The following TTN variants were observed in gnomAD, a reference collection of about 807,000 sequenced individuals.
TTN encodes the protein titin.
TTN carries 1,525 observed loss-of-function variants against 3,223.0 expected under a neutral mutation model. The ratio of observed to expected loss-of-function variants is 0.47; its 90% CI spans 0.45 to 0.49. TTN has a LOEUF of 0.49. Ranked by LOEUF, TTN falls within the 20% of genes least tolerant of loss-of-function variation. The pLI, the probability that TTN is intolerant of heterozygous loss-of-function variation, is 0.00. For missense variants in TTN, 40,786 were observed against 43,424.0 expected (o/e 0.94, Z 5.40); for synonymous variants, 14,094 against 15,161.0 (o/e 0.93, Z 5.17).
chr2:178,739,101 G>T, intron 48 of TTN, 40 bp downstream of exon 48: 1 of 1,482,364 alleles, frequency 6.7e-7, no homozygotes, highest in South Asian at 1.5e-5. Context: ...ACAATCCAGT[G>T]AATGTTAGCA....
In TTN at chr2:178,594,495, T is replaced by G. The variant is rs777279726; in HGVS notation, c.57999A>C (p.Lys19333Asn). 6.2e-7 allele frequency: 1 copy of G among 1,613,422 alleles called. No individual in the cohort carries two copies. The highest frequency in any genetic ancestry group is 2.2e-5 in the East Asian group (1 of 44,776). Residue 19333 changes from lysine (K) to asparagine (N), a missense_variant, in exon 296 of 363, where the codon AAA becomes AAC. By Grantham distance (94) the Lys-to-Asn change is moderately conservative. Transcript: ENST00000589042. ...TGCTAAGCAAGTTGTCATTTGTAAC[T>G]TTGTGGAACTTCTCAGTCCCAATGA... ...SRLIGTEKFHKVTNDNLLSRK... is the reference protein window; with the variant it reads ...SRLIGTEKFHNVTNDNLLSRK...
Position 178,566,190 on chromosome 2 carries a change from G to T in TTN, c.79942C>A (p.Leu26648Ile). The T allele has an allele frequency of 6.2e-7, 1 of 1,613,684 alleles. No homozygotes were observed. The highest frequency in any genetic ancestry group is 8.5e-7 in the Non-Finnish European group (1 of 1,179,712). The change falls in exon 326 of 363, where the codon CTA becomes ATA. Residue 26648 changes from leucine to isoleucine, a missense_variant. Physicochemically the swap from Leu to Ile is conservative, Grantham distance 5. Transcript: ENST00000589042. ...QIEKGVNYTQ[L>I]SIDNCDRNDA... ...TTTCTATCACAGTTATCTATTGATA[G>T]TTGGGTATAGTTTACTCCCTTTTCA... is the stretch of plus-strand genomic sequence containing the variant.
chr2:178,703,352 A>G (rs2075327853), intron 106 of TTN, among the ~76,000 whole-genome samples: 1 of 152,196 alleles, frequency 6.6e-6, no homozygotes, highest in Admixed American at 6.5e-5. Context: ...TCAATTATTT[A>G]AAAAATAATT....
At position 178,547,113 on chromosome 2, in the gene TTN, G is replaced by A. The variant is rs759347301; in HGVS notation, c.94412C>T (p.Thr31471Ile). 15 of 1,613,772 alleles carry A rather than the reference G, an allele frequency of 9.3e-6. No homozygotes were observed. In the South Asian group the frequency reaches 9.9e-5, roughly 11 times the overall value. Residue 31471 changes from threonine (T) to isoleucine (I), a missense_variant, in exon 340 of 363, where the codon ACT becomes ATT. Coordinates refer to ENST00000589042, the MANE Select transcript of TTN (RefSeq NM_001267550.2). ...ATATTCCAGTCCTTCTACTAAACCA[G>A]TTACTTTGTAGTTGCACTCTAAGCA... ...VPCLECNYKV[T>I]GLVEGLEYQF...
At chr2:178,646,427 T>C in intron 216 of TTN, 58 bp downstream of exon 216, 1 of 1,188,248 alleles carries the variant, frequency 8.4e-7, no homozygotes, top group Admixed American at 2.1e-5. Context: ...ACATAAACCA[T>C]ATACATTTCA....
rs758655120 is a variant in TTN at position 178,795,178 on chromosome 2, G to A, written c.989C>T (p.Thr330Ile). The stretch of plus-strand genomic sequence containing the variant: ...ACCTGTGGCCACGGTGGATGCCTGA[G>A]TCTTACGCATGAGCAATGGAGACCT... ...SVRSPLLMRK[T>I]QASTVATGPE... Residue 330 changes from threonine to isoleucine, a missense_variant, in exon 7 of 363, where the codon ACT (threonine) becomes ATT (isoleucine). By Grantham distance (89) the Thr-to-Ile change is moderately conservative (BLOSUM62 -1). Transcript: ENST00000589042. 1.2e-6 allele frequency: 2 copies of A among 1,614,150 alleles called. No homozygotes were observed. The highest frequency in any genetic ancestry group is 1.1e-5 in the South Asian group (1 of 91,076).
In TTN at chr2:178,799,559, T is replaced by C; in HGVS notation, c.842A>G (p.Gln281Arg). 6.2e-7 allele frequency: 1 copy of C among 1,614,184 alleles called. No homozygotes were observed. The highest frequency in any genetic ancestry group is 1.1e-5 in the South Asian group (1 of 91,086). ...GGAGTGTCTTATGGGCGATGGGGAC[T>C]GCTGCCGAGCCAGCTGTGCTTTGGC... is the stretch of plus-strand genomic sequence containing the variant. The part of the protein sequence containing the change: ...IAAKAQLARQ[Q>R]SPSPIRHSPS... The change falls in exon 6 of 363, where the codon CAG (glutamine) becomes CGG (arginine). Residue 281 changes from glutamine (Q) to arginine (R), a missense_variant. Transcript: ENST00000589042.
At chr2:178,618,529 G>A (rs1192782987) in intron 251 of TTN, 38 bp from the exon 252 acceptor site, 1 of 1,609,100 alleles carries the variant, frequency 6.2e-7, no homozygotes, top group Non-Finnish European at 8.5e-7. Flanking sequence ...TTAGTGTGCT[G>A]TCTTGCTTTT....
In TTN at chr2:178,771,365, C is replaced by T. The variant is rs1422023102; in HGVS notation, c.7962G>A (p.Arg2654=). Residue 2654 remains arginine (R), a synonymous_variant, in exon 34 of 363, where the codon AGG becomes AGA. Transcript: ENST00000589042. ...TAGTCAGTGGTAGGTGTTTGCCATCCCTCAACCATTCGCCTTTGGAATCTG... is the reference window on the plus strand; with the variant it reads ...TAGTCAGTGGTAGGTGTTTGCCATCTCTCAACCATTCGCCTTTGGAATCTG... ...ANPDSKGEWL[R]DGKHLPLTNN... 6.2e-6 allele frequency: 10 copies of T among 1,613,912 alleles called. No homozygotes were observed. The highest frequency in any genetic ancestry group is 4.5e-5 in the East Asian group (2 of 44,856).
In TTN at chr2:178,607,014, CTTTTACCTAGTGGATCAACTGCAA is replaced by C; in HGVS notation, c.53564_53581+6del. Reference sequence around the variant, plus strand: ...CTCTATAAACACAATGAAACCTTCTCTTTTACCTAGTGGATCAACTGCAAGAATTGGTCCTATTTCAACAGGAGG... The same window carrying C: ...CTCTATAAACACAATGAAACCTTCTCGAATTGGTCCTATTTCAACAGGAGG... On this transcript the variant is annotated splice_donor_variant and splice_donor_5th_base_variant and coding_sequence_variant and intron_variant, in exon 278 of 363. Transcript: ENST00000589042. LOFTEE classifies it high-confidence loss of function. 2 of 1,605,274 alleles carry C rather than the reference CTTTTACCTAGTGGATCAACTGCAA, an allele frequency of 1.2e-6. No individual in the cohort carries two copies. Among genetic ancestry groups the C allele is most frequent in the Non-Finnish European group, 1.7e-6 (2 of 1,177,434 alleles).
At chr2:178,669,559 T>TTA in intron 158 of TTN, 33 bp downstream of exon 158, 1 of 1,608,866 alleles carries the variant, frequency 6.2e-7, no homozygotes, top group Non-Finnish European at 8.5e-7. Context: ...AAACCAAGAA[T>TTA]TATTTCATGT....
In TTN at chr2:178,527,442, T is replaced by C; in HGVS notation, c.107680+4A>G. The C allele has an allele frequency of 6.2e-7, 1 of 1,609,432 alleles. No individual in the cohort carries two copies. Among genetic ancestry groups the C allele is most frequent in the East Asian group, 2.2e-5 (1 of 44,802 alleles). On this transcript the variant is annotated splice_donor_region_variant and intron_variant, in intron 362 of 362. Coordinates refer to ENST00000589042, the MANE Select transcript of TTN (RefSeq NM_001267550.2). ...CTACCTCTACCAGTAATTTTATTGC[T>C]CACCTCTTATGCCTGCTTTAAGCAT...
At position 178,553,790 on chromosome 2, in the gene TTN, C is replaced by G. The variant is rs1700259287; in HGVS notation, c.89215G>C (p.Ala29739Pro). 6.3e-7 allele frequency: 1 copy of G among 1,598,752 alleles called. No individual in the cohort carries two copies. The highest frequency in any genetic ancestry group is 1.7e-5 in the Admixed American group (1 of 59,004). Residue 29739 changes from alanine to proline, a missense_variant, in exon 334 of 363, where the codon GCT (alanine) becomes CCT (proline). Ala to Pro is a conservative substitution (Grantham distance 27). Transcript: ENST00000589042. ...ADPIDPPGPPAKIRIADSTKS... is the reference protein window; with the variant it reads ...ADPIDPPGPPPKIRIADSTKS... ...GTTGAATCTGCGATTCTTATCTTAG[C>G]AGGTGGACCTGGAGGATCTGGAATG...
intron 359 of TTN, among the ~76,000 whole-genome samples, chr2:178,529,596 T>C (rs761847059): frequency 2.0e-5 from 3 of 152,212 alleles, no homozygotes; most frequent in Non-Finnish European, 4.4e-5. Flanking sequence ...ATAGAAATAG[T>C]TCTTTAATTA....
chr2:178,612,000 AG>A (rs758048402), intron 267 of TTN, 46 bp from the exon 268 acceptor site: 2 of 1,604,130 alleles, frequency 1.2e-6, no homozygotes, highest in South Asian at 2.3e-5. Context: ...GAAAAAACAC[AG>A]TTAAGAATTT....
rs1362989287 is a variant in TTN, at chr2:178,739,323, C to A, written c.13910G>T (p.Trp4637Leu). The A allele has an allele frequency of 1.9e-6, 3 of 1,613,518 alleles. No individual in the cohort carries two copies. In the Admixed American group the frequency reaches 5.0e-5, roughly 27 times the overall value. The change falls in exon 48 of 363, where the codon TGG becomes TTG. Residue 4637 changes from tryptophan (W) to leucine (L), a missense_variant. Physicochemically the swap from Trp to Leu is moderately conservative, Grantham distance 61. Transcript: ENST00000589042. ...TSITNAKEVN[W>L]YFENKLVPSD... The stretch of plus-strand genomic sequence containing the variant: ...AGGCACCAGTTTATTCTCAAAATAC[C>A]AATTCACCTCTTTAGCATTTGTTAT...
Position 178,608,643 on chromosome 2 carries a change from T to C in TTN, c.52368A>G (p.Pro17456=). 6 of 1,611,830 alleles carry C rather than the reference T, an allele frequency of 3.7e-6. No individual in the cohort carries two copies. The highest frequency in any genetic ancestry group is 5.1e-6 in the Non-Finnish European group (6 of 1,178,886). ...TAGCCACAAGTGGCTTTGAAACACATGGTGGACCTGGCCCAAATCTGTTTT... is the reference window on the plus strand; with the variant it reads ...TAGCCACAAGTGGCTTTGAAACACACGGTGGACCTGGCCCAAATCTGTTTT... The part of the protein sequence containing the change: ...RAENRFGPGP[P]CVSKPLVAKD... Residue 17456 remains proline (P), a synonymous_variant, in exon 274 of 363, where the codon CCA becomes CCG. Transcript: ENST00000589042.
At position 178,701,601 on chromosome 2, in the gene TTN, T is replaced by G; in HGVS notation, c.30539-14A>C. ...AGTCAGGAATATCTGGAAAGGGACA[T>G]GTAATAAGCATAGAGAGACTGAGAA... is the stretch of plus-strand genomic sequence containing the variant. On this transcript the variant is annotated splice_polypyrimidine_tract_variant and intron_variant, in intron 109 of 362. Transcript: ENST00000589042. 1 of 1,613,018 alleles carries G rather than the reference T, an allele frequency of 6.2e-7. No homozygotes were observed. The highest frequency in any genetic ancestry group is 2.2e-5 in the East Asian group (1 of 44,860).
chr2:178,767,953 C>A, intron 39 of TTN, 29 bp from the exon 40 acceptor site: 1 of 1,614,018 alleles, frequency 6.2e-7, no homozygotes, highest in South Asian at 1.1e-5. Context: ...TTCGAGTTTA[C>A]CGTATGGTGA....
Sources: gnomAD v4.1 joint callset for allele counts (sites outside exome capture counted in the v4.1 genomes callset) on GRCh38, gnomAD v4.1.1 for gene constraint, MANE v1.5 for transcripts, NCBI Gene and HGNC (gene_info 2026-07-23, HGNC 2026-07-21) for gene names.